CDH23: variants seen among roughly 807,000 people sequenced by gnomAD.
CDH23 encodes cadherin-23.
In CDH23, 189 loss-of-function variants were observed where a neutral mutation model predicts 317.1. The observed-to-expected ratio is 0.60, with a 90% CI of 0.53 to 0.67. The LOEUF (loss-of-function observed/expected upper bound fraction) is 0.67. Ranked by LOEUF, CDH23 falls within the 30% of genes least tolerant of loss-of-function variation. The probability of loss-of-function intolerance (pLI) is 0.00; values close to 1 mark genes in which losing one functional copy is unlikely to be tolerated. For missense variants in CDH23, 4,401 were observed against 4,592.4 expected (o/e 0.96, Z 1.20); for synonymous variants, 1,839 against 1,876.8 (o/e 0.98, Z 0.52).
At chr10:71,425,282 A>G (rs28540522) in intron 1 of CDH23, among the ~76,000 whole-genome samples, 1 of 142,322 alleles carries the variant, frequency 7.0e-6, no homozygotes, top group Non-Finnish European at 1.5e-5. Context: ...AGGAAGGAAG[A>G]AAGGAAGGAA....
intron 6 of CDH23, among the ~76,000 whole-genome samples, chr10:71,563,300 C>G (rs1189227538): frequency 1.3e-5 from 2 of 152,184 alleles, no homozygotes; most frequent in Non-Finnish European, 2.9e-5. Flanking sequence ...GCATTCCAGC[C>G]ATCCAGGGTG....
At chr10:71,531,826 C>A (rs530119247) in intron 6 of CDH23, among the ~76,000 whole-genome samples, 18 of 152,274 alleles carry the variant, frequency 1.2e-4, no homozygotes, top group African/African-American at 4.3e-4. Context: ...CAGCTTTGAA[C>A]CAAGATCTTC....
At chr10:71,572,065 G>T (rs748010445) in intron 8 of CDH23, among the ~76,000 whole-genome samples, 4 of 152,246 alleles carry the variant, frequency 2.6e-5, no homozygotes, top group Non-Finnish European at 5.9e-5. Context: ...TGGGACAGGT[G>T]TGGAGGGAGG....
intron 14 of CDH23, among the ~76,000 whole-genome samples, chr10:71,661,750 A>ACCCTGCGCGCCCTCCCC (rs1863665829): frequency 1.5e-4 from 1 of 6,876 alleles, no homozygotes; most frequent in Admixed American, 1.7e-3. Flanking sequence ...GCGCCCTCCC[A>ACCCTGCGCGCCCTCCCC]CCCTGCGCGC....
At chr10:71,551,674 T>G (rs189442648) in intron 6 of CDH23, among the ~76,000 whole-genome samples, 1 of 152,280 alleles carries the variant, frequency 6.6e-6, no homozygotes, top group Non-Finnish European at 1.5e-5. Context: ...GTCAGCCTGG[T>G]GGTCTTCTCA....
At chr10:71,576,334 G>A (rs1175176859) in intron 8 of CDH23, among the ~76,000 whole-genome samples, 1 of 152,232 alleles carries the variant, frequency 6.6e-6, no homozygotes, top group African/African-American at 2.4e-5. Flanking sequence ...AGCCAGGAGA[G>A]CACGGAGCAA....
At chr10:71,471,431 G>A (rs1273916977) in intron 3 of CDH23, among the ~76,000 whole-genome samples, 1 of 151,960 alleles carries the variant, frequency 6.6e-6, no homozygotes, top group African/African-American at 2.4e-5. Context: ...CTCTGTCTCC[G>A]TCTCCCACTC....
At chr10:71,715,716 C>G in intron 28 of CDH23, 1 of 421,036 alleles carries the variant, frequency 2.4e-6, no homozygotes, top group Non-Finnish European at 4.2e-6. Flanking sequence ...AGTCTTTCAT[C>G]AAGCAGCAGC....
chr10:71,570,798 C>A lies in CDH23; in HGVS notation c.633C>A (p.Asp211Glu), dbSNP rs764515216. ...TCTCTCCGCTCTCTAAGGATCAAGACAAGACCAGGCCTCTGTCCACCCTGG... is the reference window on the plus strand; with the variant it reads ...TCTCTCCGCTCTCTAAGGATCAAGAAAAGACCAGGCCTCTGTCCACCCTGG... ...YQLTVNATDQ[D>E]KTRPLSTLAN... Residue 211 changes from aspartate (D) to glutamate (E), a missense_variant, in exon 8 of 70, where the codon GAC becomes GAA. Physicochemically the swap from Asp to Glu is conservative, Grantham distance 45 (BLOSUM62 2). Around this residue, in one of 3 missense-constraint regions of CDH23, gnomAD observed 3,068 missense variants for 3,203.3 expected, o/e 0.96. Coordinates refer to ENST00000224721, the MANE Select transcript of CDH23 (RefSeq NM_022124.6). 60 of 1,611,290 alleles carry A rather than the reference C, an allele frequency of 3.7e-5. No individual in the cohort carries two copies. Among genetic ancestry groups the A allele is most frequent in the Admixed American group, 5.0e-5 (3 of 59,476 alleles).
rs1031297135 is a variant in CDH23 at position 71,815,497 on chromosome 10, T to C, written c.*219T>C. The C allele has an allele frequency of 6.6e-6, 3 of 455,430 alleles. No individual in the cohort carries two copies. The highest frequency in any genetic ancestry group is 3.9e-5 in the African/African-American group (2 of 50,638). The allele number at this position is 455,430 out of a possible 1,614,324, so 28.2% of individuals were successfully genotyped here. A position where few individuals can be genotyped will look rare whatever the true frequency, so the allele number is the denominator to read the frequency against. Reference sequence around the variant, plus strand: ...CTACCTTCATAAGATCTGTTATTTTTATAAGAAAACCAAACAAAAATGTTA... The same window carrying C: ...CTACCTTCATAAGATCTGTTATTTTCATAAGAAAACCAAACAAAAATGTTA... On this transcript the variant is annotated 3_prime_UTR_variant, in exon 70 of 70. Coordinates refer to ENST00000224721, the MANE Select transcript of CDH23 (RefSeq NM_022124.6).
intron 53 of CDH23, 121 bp downstream of exon 53, chr10:71,800,876 C>A: frequency 7.3e-7 from 1 of 1,369,518 alleles, no homozygotes; most frequent in South Asian, 1.4e-5. Context: ...CCCTTTGAGA[C>A]ACAGTGACAG....
intron 3 of CDH23, among the ~76,000 whole-genome samples, chr10:71,485,790 T>C (rs1852316962): frequency 6.6e-6 from 1 of 152,212 alleles, no homozygotes; most frequent in Non-Finnish European, 1.5e-5. Flanking sequence ...TTACTCCAGA[T>C]GGGTGTCATC....
chr10:71,522,333 G>T (rs1854745481), intron 6 of CDH23, among the ~76,000 whole-genome samples: 1 of 152,112 alleles, frequency 6.6e-6, no homozygotes, highest in Non-Finnish European at 1.5e-5. Flanking sequence ...CTTAAAGGTA[G>T]CCACTGTCCT....
intron 3 of CDH23, among the ~76,000 whole-genome samples, chr10:71,498,936 A>C (rs544211474): frequency 2.6e-5 from 4 of 152,346 alleles, no homozygotes; most frequent in African/African-American, 7.2e-5. Context: ...AAATCAGGAT[A>C]TCAAAGGGAT....
intron 64 of CDH23, 40 bp downstream of exon 64, chr10:71,811,630 C>G: frequency 6.2e-7 from 1 of 1,613,852 alleles, no homozygotes; most frequent in Non-Finnish European, 8.5e-7. Flanking sequence ...GGCCGACCAC[C>G]TGCTCCCGGA....
At chr10:71,466,574 G>T (rs72642236) in intron 3 of CDH23, among the ~76,000 whole-genome samples, 1,803 of 152,302 alleles carry the variant, frequency 0.012, 84 homozygotes, top group East Asian at 0.12. Flanking sequence ...GTGTGCATGT[G>T]TGAGTGTGTC....
intron 30 of CDH23, among the ~76,000 whole-genome samples, chr10:71,727,728 C>A (rs1440517946): frequency 1.3e-5 from 2 of 152,166 alleles, no homozygotes; most frequent in African/African-American, 2.4e-5. Flanking sequence ...CCACTAGCAC[C>A]CCATTTTGCA....
intron 9 of CDH23, among the ~76,000 whole-genome samples, chr10:71,583,822 G>T (rs1858829663): frequency 6.6e-6 from 1 of 152,100 alleles, no homozygotes; most frequent in South Asian, 2.1e-4. Flanking sequence ...GGAAAGCAAG[G>T]CTCAGAGAGT....
At position 71,741,751 on chromosome 10, in the gene CDH23, A is replaced by T. The variant is rs1839739421; in HGVS notation, c.4675A>T (p.Ile1559Phe). 1 of 1,612,740 alleles carries T rather than the reference A, an allele frequency of 6.2e-7. No individual in the cohort carries two copies. The highest frequency in any genetic ancestry group is 1.7e-4 in the Middle Eastern group (1 of 6,060). Residue 1559 changes from isoleucine to phenylalanine, a missense_variant, in exon 38 of 70, where the codon ATC becomes TTC. Physicochemically the swap from Ile to Phe is conservative, Grantham distance 21. Transcript: ENST00000224721. ...GAGAGCCACTGACCGTGACATCGGG[A>T]TCAACAGTGTTCTGTCCTACTACAT... The part of the protein sequence containing the change: ...QVRATDRDIG[I>F]NSVLSYYITE...
Sources: allele counts gnomAD v4.1 joint callset (sites outside exome capture counted in the v4.1 genomes callset), GRCh38; gene constraint gnomAD v4.1.1; regional missense constraint gnomAD v4.1.1; transcripts MANE v1.5; gene names NCBI Gene and HGNC (gene_info 2026-07-23, HGNC 2026-07-21).